The following SHTN1 variants were observed in gnomAD, a reference collection of about 807,000 sequenced individuals.
The protein encoded by SHTN1 is shootin-1.
A neutral mutation model predicts 83.1 loss-of-function variants in SHTN1; 42 were observed. The ratio of observed to expected loss-of-function variants is 0.51; its 90% CI spans 0.39 to 0.65. The LOEUF (loss-of-function observed/expected upper bound fraction) is 0.65, where lower values mean the gene tolerates loss of function less well. Among genes scored for constraint, SHTN1 ranks in the 30% least tolerant of loss-of-function variants. The pLI is 0.00. For missense variants in SHTN1, 622 were observed against 737.8 expected (o/e 0.84, Z 1.82); for synonymous variants, 224 against 247.7 (o/e 0.90, Z 0.90).
At chr10:117,060,454 C>T (rs930491035) in intron 1 of SHTN1, among the ~76,000 whole-genome samples, 2 of 152,144 alleles carry the variant, frequency 1.3e-5, no homozygotes, top group East Asian at 1.9e-4. Flanking sequence ...GTTTGAGAAC[C>T]GCTTCTCTCC....
intron 14 of SHTN1, 161 bp downstream of exon 14, chr10:116,911,629 G>T (rs952738374): frequency 3.6e-5 from 56 of 1,555,832 alleles, no homozygotes; most frequent in Non-Finnish European, 4.4e-5. Context: ...TAACATATGT[G>T]ATGGAGCAGT....
intron 1 of SHTN1, among the ~76,000 whole-genome samples, chr10:116,985,801 G>A (rs1249509412): frequency 6.6e-6 from 1 of 152,216 alleles, no homozygotes; most frequent in Non-Finnish European, 1.5e-5. Flanking sequence ...ATGAGGACAT[G>A]AGTCACAAAA....
At chr10:117,123,740 A>C (rs1853964375) in intron 1 of SHTN1, among the ~76,000 whole-genome samples, 1 of 150,542 alleles carries the variant, frequency 6.6e-6, no homozygotes, top group Admixed American at 6.7e-5. Context: ...CCCCATCTTT[A>C]CTAAAAATAC....
chr10:116,943,112 G>A (rs577430365), intron 8 of SHTN1, among the ~76,000 whole-genome samples: 18 of 152,288 alleles, frequency 1.2e-4, no homozygotes, highest in African/African-American at 4.1e-4. Context: ...TGCCAATAAC[G>A]TAAGTACCAT....
intron 5 of SHTN1, among the ~76,000 whole-genome samples, chr10:116,952,674 C>T (rs548528873): frequency 2.5e-4 from 38 of 152,286 alleles, no homozygotes; most frequent in Admixed American, 9.8e-4. Flanking sequence ...GTTAAAGTTA[C>T]TTCTGTCACT....
chr10:116,970,398 G>GT (rs1416785854), intron 2 of SHTN1, among the ~76,000 whole-genome samples: 1 of 152,100 alleles, frequency 6.6e-6, no homozygotes, highest in Admixed American at 6.6e-5. Flanking sequence ...GAATAAAGCC[G>GT]TATGTATCAA....
At chr10:117,062,723 T>C (rs930792887) in intron 1 of SHTN1, among the ~76,000 whole-genome samples, 13 of 152,190 alleles carry the variant, frequency 8.5e-5, no homozygotes, top group South Asian at 2.1e-4. Flanking sequence ...GTATAACTCA[T>C]AGGTTAATGT....
rs574418555 is a variant in SHTN1, at chr10:116,906,321, A to G, written c.1480+306T>C. Among the ~76,000 whole-genome samples, 4 of 152,370 alleles carry G rather than the reference A, an allele frequency of 2.6e-5. No homozygotes were observed. The South Asian group carries it at 8.3e-4, about 32-fold the overall frequency. On this transcript the variant is annotated intron_variant, in intron 15 of 16. Coordinates refer to ENST00000355371, the MANE Select transcript of SHTN1 (RefSeq NM_001127211.3). ...TGGGTGGTCTGGCTCCAGAGCCTGTACTTGATGCTATATTGTTGCCGAATC... is the reference window on the plus strand; with the variant it reads ...TGGGTGGTCTGGCTCCAGAGCCTGTGCTTGATGCTATATTGTTGCCGAATC...
At chr10:116,921,603 C>A in intron 11 of SHTN1, 87 bp from the exon 12 acceptor site, 1 of 841,996 alleles carries the variant, frequency 1.2e-6, no homozygotes, top group South Asian at 1.7e-5. Flanking sequence ...TTGATAGGTG[C>A]ATGAATATAT....
chr10:117,108,256 A>C (rs918837279), intron 1 of SHTN1, among the ~76,000 whole-genome samples: 39 of 152,286 alleles, frequency 2.6e-4, no homozygotes, highest in African/African-American at 9.1e-4. Context: ...ACACATGCAC[A>C]CATATGTTTA....
chr10:116,920,159 G>A (rs534015265), intron 12 of SHTN1, among the ~76,000 whole-genome samples: 35 of 152,232 alleles, frequency 2.3e-4, no homozygotes, highest in African/African-American at 8.4e-4. Context: ...TTACCATGTT[G>A]TTTATACTAA....
intron 1 of SHTN1, among the ~76,000 whole-genome samples, chr10:116,998,265 G>A: frequency 6.6e-6 from 1 of 152,154 alleles, no homozygotes; most frequent in East Asian, 1.9e-4. Context: ...GTTGTTCAGA[G>A]TTCCGTCTTT....
At chr10:116,927,073 G>A (rs1848768872) in intron 11 of SHTN1, among the ~76,000 whole-genome samples, 2 of 151,996 alleles carry the variant, frequency 1.3e-5, no homozygotes, top group South Asian at 4.2e-4. Context: ...ATGAGGTTAG[G>A]GATAAAAGTA....
At chr10:117,098,664 T>C (rs1220833206) in intron 1 of SHTN1, among the ~76,000 whole-genome samples, 2 of 152,260 alleles carry the variant, frequency 1.3e-5, no homozygotes, top group Non-Finnish European at 2.9e-5. Flanking sequence ...AACATGATCA[T>C]GATGTGGACC....
intron 1 of SHTN1, among the ~76,000 whole-genome samples, chr10:117,102,197 T>C (rs1267067646): frequency 6.6e-6 from 1 of 152,174 alleles, no homozygotes. Context: ...TCAGAGCACC[T>C]GGTGTGACAG....
At chr10:117,019,901 G>A (rs1852234935) in intron 2 of SHTN1, among the ~76,000 whole-genome samples, 1 of 151,788 alleles carries the variant, frequency 6.6e-6, no homozygotes, top group African/African-American at 2.4e-5. Context: ...AGTATTTAAA[G>A]AGATATACCA....
At chr10:116,944,418 C>CA (rs1261998548) in intron 8 of SHTN1, among the ~76,000 whole-genome samples, 3 of 152,130 alleles carry the variant, frequency 2.0e-5, no homozygotes, top group African/African-American at 7.2e-5. Context: ...AGAGGTCATA[C>CA]ACTACTACAA....
intron 12 of SHTN1, among the ~76,000 whole-genome samples, chr10:116,915,742 CT>C (rs1461884362): frequency 2.0e-5 from 3 of 152,100 alleles, no homozygotes; most frequent in South Asian, 2.1e-4. Flanking sequence ...ATTGTCTTGC[CT>C]CTGTCAACAA....
intron 15 of SHTN1, among the ~76,000 whole-genome samples, chr10:116,905,195 C>A (rs1227499126): frequency 7.8e-6 from 1 of 128,530 alleles, no homozygotes; most frequent in Non-Finnish European, 1.5e-5. Context: ...GGCGACAGAG[C>A]GAGACTCCGT....
Sources: allele counts gnomAD v4.1 joint callset (sites outside exome capture counted in the v4.1 genomes callset), GRCh38; gene constraint gnomAD v4.1.1; transcripts MANE v1.5; gene names NCBI Gene and HGNC (gene_info 2026-07-23, HGNC 2026-07-21).